ATP2A1: variants seen among roughly 807,000 people sequenced by gnomAD.
ATP2A1 encodes sarcoplasmic/endoplasmic reticulum calcium ATPase 1.
In ATP2A1, 83 loss-of-function variants were observed where a neutral mutation model predicts 109.5. The ratio of observed to expected loss-of-function variants is 0.76; its 90% confidence interval spans 0.63 to 0.91. The LOEUF is 0.91. Ranked by LOEUF, ATP2A1 falls within the 40% of genes least tolerant of loss-of-function variation. The pLI is 0.00. For missense variants in ATP2A1, 1,101 were observed against 1,341.0 expected (o/e 0.82, Z 2.80); for synonymous variants, 505 against 537.6 (o/e 0.94, Z 0.84).
At position 28,879,598 on chromosome 16, in the gene ATP2A1, GTC is replaced by G; in HGVS notation, c.219+19_219+20del. ...GCATTTCCTTCGTAAGTGTGGGAGG[GTC>G]TCTGGGGGCTGGCTGGGGGTGTGAG... On this transcript the variant is annotated intron_variant, in intron 3 of 22. Coordinates refer to ENST00000395503, the MANE Select transcript of ATP2A1 (RefSeq NM_004320.6). 6.2e-7 allele frequency: 1 copy of G among 1,613,464 alleles called. No individual in the cohort carries two copies. The highest frequency in any genetic ancestry group is 8.5e-7 in the Non-Finnish European group (1 of 1,179,572).
chr16:28,889,188 C>T (rs1037084963), intron 9 of ATP2A1, among the ~76,000 whole-genome samples: 5 of 152,156 alleles, frequency 3.3e-5, no homozygotes, highest in African/African-American at 1.2e-4. Flanking sequence ...CACTGCCACA[C>T]ATCGTCTCTC....
chr16:28,901,938 G>A lies in ATP2A1; in HGVS notation c.2176G>A (p.Val726Met), dbSNP rs368188148. ...IGIAMGSGTA[V>M]AKTASEMVLA... ...CATTGCCATGGGATCTGGCACTGCC[G>A]TGGCCAAGACTGCCTCTGAGATGGT... The change falls in exon 16 of 23, where the codon GTG becomes ATG. Residue 726 changes from valine (V) to methionine (M), a missense_variant. Val to Met is a conservative substitution (Grantham distance 21). Transcript: ENST00000395503. 5.0e-6 allele frequency: 8 copies of A among 1,614,242 alleles called. No homozygotes were observed. The highest frequency in any genetic ancestry group is 4.5e-5 in the East Asian group (2 of 44,886).
rs369637881 is a variant in ATP2A1 at position 28,880,991 on chromosome 16, T to C, written c.296T>C (p.Ile99Thr). 58 of 1,614,084 alleles carry C rather than the reference T, an allele frequency of 3.6e-5. No individual in the cohort carries two copies. Among genetic ancestry groups the C allele is most frequent in the Non-Finnish European group, 4.7e-5 (56 of 1,180,028 alleles). Residue 99 changes from isoleucine (I) to threonine (T), a missense_variant, in exon 4 of 23, where the codon ATT becomes ACT. Ile to Thr is a moderately conservative substitution (Grantham distance 89). Transcript: ENST00000395503. The surrounding 1 kb of genome is among the most constrained non-coding windows in gnomAD (Gnocchi z 4.2). ...VEPFVILLIL[I>T]ANAIVGVWQE... is the part of the protein sequence containing the mutation. ...CCCTTTGTCATCCTCTTGATCCTCA[T>C]TGCCAATGCCATCGTGGGGGTTTGG...
chr16:28,887,785 T>G, intron 8 of ATP2A1, 63 bp downstream of exon 8: 1 of 1,567,110 alleles, frequency 6.4e-7, no homozygotes, highest in South Asian at 1.1e-5. Context: ...CCCTTTTCTT[T>G]TCTTTTCTTT....
chr16:28,897,757 A>G (rs1963957683), intron 12 of ATP2A1, among the ~76,000 whole-genome samples: 1 of 152,152 alleles, frequency 6.6e-6, no homozygotes, highest in South Asian at 2.1e-4. Context: ...GGCATGAGCC[A>G]CCGCGCCTGG....
At chr16:28,891,739 C>T (rs1963779862) in intron 9 of ATP2A1, among the ~76,000 whole-genome samples, 2 of 151,370 alleles carry the variant, frequency 1.3e-5, no homozygotes, top group Middle Eastern at 6.8e-3. Context: ...ATTAGCCAGG[C>T]GTTGTGGTGG....
At chr16:28,890,095 T>C (rs1022377566) in intron 9 of ATP2A1, among the ~76,000 whole-genome samples, 1 of 151,940 alleles carries the variant, frequency 6.6e-6, no homozygotes. Flanking sequence ...TGAGCCGAGA[T>C]CGCGCCACTG....
At chr16:28,882,100 C>A (rs1358078031) in intron 4 of ATP2A1, among the ~76,000 whole-genome samples, 5 of 90,412 alleles carry the variant, frequency 5.5e-5, no homozygotes, top group Admixed American at 2.3e-4. Context: ...CTACGCCCGG[C>A]TTTTTTTTTT....
chr16:28,884,873 A>C (rs904480805), intron 6 of ATP2A1, among the ~76,000 whole-genome samples: 53 of 152,180 alleles, frequency 3.5e-4, no homozygotes, highest in Non-Finnish European at 7.1e-4. Context: ...GCCTGGGTAC[A>C]GGAGGTCAAG....
Position 28,883,767 on chromosome 16 carries a change from C to T in ATP2A1, c.464-808C>T, listed in dbSNP as rs1596665939. ...GTGCTGCCCGCCCCACTCTTCCACACCTGTTTCCTGCCCAACCCCCGCTTC... is the reference window on the plus strand; with the variant it reads ...GTGCTGCCCGCCCCACTCTTCCACATCTGTTTCCTGCCCAACCCCCGCTTC... On this transcript the variant is annotated intron_variant, in intron 5 of 22. Coordinates refer to ENST00000395503, the MANE Select transcript of ATP2A1 (RefSeq NM_004320.6). The surrounding 1 kb of genome is among the most constrained non-coding windows in gnomAD (Gnocchi z 5.2). Among the ~76,000 whole-genome samples, 1 of 152,142 alleles carries T rather than the reference C, an allele frequency of 6.6e-6. No individual in the cohort carries two copies. The highest frequency in any genetic ancestry group is 1.5e-5 in the Non-Finnish European group (1 of 68,016).
rs1395872247 is a variant in ATP2A1, at chr16:28,879,551, C to A, written c.187C>A (p.Arg63=). ...VIEQFEDLLV[R]ILLLAACISF... is the part of the protein sequence containing the mutation. ...AGAGCAGTTTGAAGACCTCCTGGTG[C>A]GGATTCTCCTCCTGGCCGCATGCAT... is the stretch of plus-strand genomic sequence containing the variant. Residue 63 remains arginine (R), a synonymous_variant, in exon 3 of 23, where the codon CGG becomes AGG. Coordinates refer to ENST00000395503, the MANE Select transcript of ATP2A1 (RefSeq NM_004320.6). 9 of 1,614,014 alleles carry A rather than the reference C, an allele frequency of 5.6e-6. No homozygotes were observed. The South Asian group carries it at 9.9e-5, about 18-fold the overall frequency.
chr16:28,904,101 G>T, intron 22 of ATP2A1, 79 bp from the exon 23 acceptor site: 1 of 1,310,034 alleles, frequency 7.6e-7, no homozygotes. Flanking sequence ...CCAGGTAAGT[G>T]CGTGCCTGGG....
Position 28,880,176 on chromosome 16 carries a change from C to T in ATP2A1, c.219+593C>T. ...CCGCGCTCCCTAGGCACCCCCACCC[C>T]CGCAGGGCATCTCCAGGGCTCTGCC... On this transcript the variant is annotated intron_variant, in intron 3 of 22. Coordinates refer to ENST00000395503, the MANE Select transcript of ATP2A1 (RefSeq NM_004320.6). This position sits in a 1 kb window ranked among gnomAD's most constrained non-coding sequence, Gnocchi z 4.2. 1 of 976,592 alleles carries T rather than the reference C, an allele frequency of 1.0e-6. No homozygotes were observed. The highest frequency in any genetic ancestry group is 1.2e-6 in the Non-Finnish European group (1 of 820,208). The allele number at this position is 976,592 out of a possible 1,614,324, so 60.5% of individuals were successfully genotyped here.
At chr16:28,879,399 C>T in intron 2 of ATP2A1, 102 bp from the exon 3 acceptor site, 1 of 1,152,320 alleles carries the variant, frequency 8.7e-7, no homozygotes. Flanking sequence ...CTGCCCACCA[C>T]CCTAGAGCCT....
chr16:28,899,812 T>C (rs1964019952), intron 14 of ATP2A1, among the ~76,000 whole-genome samples: 1 of 148,878 alleles, frequency 6.7e-6, no homozygotes, highest in Non-Finnish European at 1.5e-5. Flanking sequence ...ATAAAAAAAT[T>C]AGCCAGGCGT....
rs1402694136 is a variant in ATP2A1, at chr16:28,888,866, G to A, written c.1008G>A (p.Leu336=). Residue 336 remains leucine, a synonymous_variant, in exon 9 of 23, where the codon TTG becomes TTA. Coordinates refer to ENST00000395503, the MANE Select transcript of ATP2A1 (RefSeq NM_004320.6). ...MAKKNAIVRS[L]PSVETLGCTS... ...AGAAGAATGCCATTGTAAGAAGCTT[G>A]CCCTCCGTAGAGACCCTGGGCTGCA... 1 of 1,603,858 alleles carries A rather than the reference G, an allele frequency of 6.2e-7. No homozygotes were observed. Among genetic ancestry groups the A allele is most frequent in the African/African-American group, 1.3e-5 (1 of 74,548 alleles).
rs181264502 is a variant in ATP2A1, at chr16:28,894,881, G to A, written c.1347G>A (p.Val449=). The change falls in exon 12 of 23, where the codon GTG becomes GTA. Residue 449 remains valine (V), a synonymous_variant. Coordinates refer to ENST00000395503, the MANE Select transcript of ATP2A1 (RefSeq NM_004320.6). The stretch of plus-strand genomic sequence containing the variant: ...CCGAGACAGCACTCACCACCCTGGT[G>A]GAGAAGATGAATGTGTTCAACACGG... The part of the protein sequence containing the change: ...EATETALTTL[V]EKMNVFNTDV... 3.0e-5 allele frequency: 49 copies of A among 1,612,360 alleles called. No homozygotes were observed. The highest frequency in any genetic ancestry group is 4.1e-5 in the Non-Finnish European group (48 of 1,180,018).
At chr16:28,885,976 G>C (rs532301102) in intron 6 of ATP2A1, among the ~76,000 whole-genome samples, 1 of 151,522 alleles carries the variant, frequency 6.6e-6, no homozygotes, top group East Asian at 2.0e-4. Flanking sequence ...GACCAGCCTC[G>C]GCAACACAGC....
chr16:28,903,733 G>C lies in ATP2A1; in HGVS notation c.*29G>C. ...TTCCCCCTCCTCCATCTCTGAGCCC[G>C]TGTCACAGGTATCACCCCCTTCTTG... On this transcript the variant is annotated 3_prime_UTR_variant, in exon 22 of 23. Coordinates refer to ENST00000395503, the MANE Select transcript of ATP2A1 (RefSeq NM_004320.6). The surrounding 1 kb of genome is among the most constrained non-coding windows in gnomAD (Gnocchi z 5.6). 2 of 1,613,614 alleles carry C rather than the reference G, an allele frequency of 1.2e-6. No individual in the cohort carries two copies. Among genetic ancestry groups the C allele is most frequent in the Middle Eastern group, 1.6e-4 (1 of 6,062 alleles).
Sources: gnomAD v4.1 joint callset for allele counts (sites outside exome capture counted in the v4.1 genomes callset) on GRCh38, gnomAD v4.1.1 for gene constraint, Gnocchi (gnomAD v3.1) non-coding constraint, MANE v1.5 for transcripts, NCBI Gene and HGNC (gene_info 2026-07-23, HGNC 2026-07-21) for gene names.